Variants in TNFSF4 observed in about 807,000 individuals in gnomAD.
The protein encoded by TNFSF4 is TNF superfamily member 4.
In TNFSF4, 4 loss-of-function variants were observed where a neutral mutation model predicts 7.3. The ratio of observed to expected loss-of-function variants is 0.55; its 90% CI spans 0.27 to 1.25. The LOEUF is 1.25. Ranked by LOEUF, TNFSF4 falls within the 50% of genes most tolerant of loss-of-function variation. The pLI is 0.12. For missense variants in TNFSF4, 181 were observed against 208.8 expected (o/e 0.87, Z 0.82); for synonymous variants, 76 against 83.7 (o/e 0.91, Z 0.50).
At chr1:173,248,930 T>C in the TNFSF4 span, among the ~76,000 whole-genome samples, 18 of 152,218 alleles carry the variant, frequency 1.2e-4, no homozygotes, top group Admixed American at 1.2e-3. Flanking sequence ...ATTAATGGGA[T>C]TTTAAGTAAG....
the TNFSF4 span, among the ~76,000 whole-genome samples, chr1:173,267,598 T>C: frequency 5.9e-5 from 9 of 152,150 alleles, no homozygotes; most frequent in African/African-American, 1.9e-4. Context: ...AAGAATTTAT[T>C]AGTTCGTGGT....
the TNFSF4 span, among the ~76,000 whole-genome samples, chr1:173,383,129 G>T: frequency 1.3e-5 from 2 of 152,090 alleles, no homozygotes; most frequent in East Asian, 1.9e-4. Context: ...ATCAGGAGTG[G>T]GGGGATCTAA....
chr1:173,245,141 T>C, the TNFSF4 span, among the ~76,000 whole-genome samples: 1 of 152,108 alleles, frequency 6.6e-6, no homozygotes, highest in Non-Finnish European at 1.5e-5. Context: ...TTCCTTTTAG[T>C]TGTTTTCTCT....
At position 173,184,339 on chromosome 1, in the gene TNFSF4, C is replaced by G. The variant is rs780642845; in HGVS notation, c.*2177G>C. The stretch of plus-strand genomic sequence containing the variant: ...TTCTCCCTGTGAAGGACATGACTTA[C>G]AGGGACTGAGACACACACACATATT... On this transcript the variant is annotated 3_prime_UTR_variant, in exon 3 of 3. Transcript: ENST00000281834. 2.6e-5 allele frequency: 4 copies of G among 152,172 alleles called. No homozygotes were observed. The highest frequency in any genetic ancestry group is 4.4e-5 in the Non-Finnish European group (3 of 68,042). The allele number at this position is 152,172 out of a possible 1,614,324, so 9.4% of individuals were successfully genotyped here. A position where few individuals can be genotyped will look rare whatever the true frequency, so the allele number is the denominator to read the frequency against.
chr1:173,403,026 A>AT, the TNFSF4 span, among the ~76,000 whole-genome samples: 1 of 151,812 alleles, frequency 6.6e-6, no homozygotes, highest in African/African-American at 2.4e-5. Context: ...CTAATTTTTT[A>AT]TTTTTTGTAG....
chr1:173,301,174 G>A, the TNFSF4 span, among the ~76,000 whole-genome samples: 2 of 151,896 alleles, frequency 1.3e-5, no homozygotes, highest in African/African-American at 4.8e-5. Flanking sequence ...AGCAAATGAA[G>A]AAGCTATTAT....
At chr1:173,241,650 A>G in the TNFSF4 span, among the ~76,000 whole-genome samples, 629 of 152,350 alleles carry the variant, frequency 4.1e-3, 19 homozygotes, top group East Asian at 0.074. Context: ...TATTAGTCAC[A>G]TATACTTACA....
the TNFSF4 span, among the ~76,000 whole-genome samples, chr1:173,297,298 GAA>G: frequency 6.6e-6 from 1 of 151,774 alleles, no homozygotes; most frequent in Non-Finnish European, 1.5e-5. Flanking sequence ...CAAGAAGGGA[GAA>G]GTTATCTGGC....
the TNFSF4 span, among the ~76,000 whole-genome samples, chr1:173,403,910 A>T: frequency 6.6e-6 from 1 of 152,198 alleles, no homozygotes; most frequent in Non-Finnish European, 1.5e-5. Flanking sequence ...TCAAAAAAAA[A>T]AAAAAGAGAG....
At chr1:173,342,701 G>T in the TNFSF4 span, among the ~76,000 whole-genome samples, 1 of 152,116 alleles carries the variant, frequency 6.6e-6, no homozygotes, top group African/African-American at 2.4e-5. Context: ...GGAAGCTGAA[G>T]CCATTAACCA....
chr1:173,299,986 T>A, the TNFSF4 span, among the ~76,000 whole-genome samples: 1 of 151,838 alleles, frequency 6.6e-6, no homozygotes, highest in Non-Finnish European at 1.5e-5. Flanking sequence ...GGCTAATTTC[T>A]CTCAATCTCT....
chr1:173,419,343 G>GAAA, the TNFSF4 span, among the ~76,000 whole-genome samples: 1 of 115,814 alleles, frequency 8.6e-6, no homozygotes, highest in Non-Finnish European at 1.8e-5. Context: ...CTCCGTCTCA[G>GAAA]AAAAAAAAAA....
At chr1:173,241,126 GA>G in the TNFSF4 span, among the ~76,000 whole-genome samples, 2 of 152,060 alleles carry the variant, frequency 1.3e-5, no homozygotes, top group Non-Finnish European at 2.9e-5. Context: ...CAAAAGTCAA[GA>G]AAAAACTTTG....
the TNFSF4 span, among the ~76,000 whole-genome samples, chr1:173,341,853 C>T: frequency 6.6e-6 from 1 of 152,046 alleles, no homozygotes; most frequent in Non-Finnish European, 1.5e-5. Context: ...CATTTCCTAC[C>T]CTAAAATTCC....
the TNFSF4 span, among the ~76,000 whole-genome samples, chr1:173,353,464 C>T: frequency 1.6e-3 from 245 of 152,254 alleles, 1 homozygote; most frequent in Non-Finnish European, 2.5e-3. Flanking sequence ...CTCCTGTGTG[C>T]GTGTGCATGT....
upstream of TNFSF4, among the ~76,000 whole-genome samples, chr1:173,210,065 T>C (rs1571208729): frequency 6.6e-6 from 1 of 152,058 alleles, no homozygotes; most frequent in Admixed American, 6.5e-5. Flanking sequence ...GAGGGTTTTG[T>C]TGTTGTTTGG....
At chr1:173,251,157 A>G in the TNFSF4 span, among the ~76,000 whole-genome samples, 3 of 152,228 alleles carry the variant, frequency 2.0e-5, no homozygotes, top group Non-Finnish European at 4.4e-5. Context: ...CATAGATACT[A>G]TAAAGCCGCC....
the TNFSF4 span, among the ~76,000 whole-genome samples, chr1:173,426,386 T>G: frequency 3.5e-4 from 54 of 152,276 alleles, no homozygotes; most frequent in African/African-American, 1.3e-3. Context: ...CATGGCTGCT[T>G]CTTTAGTTCA....
chr1:173,250,169 A>G, the TNFSF4 span, among the ~76,000 whole-genome samples: 2 of 152,186 alleles, frequency 1.3e-5, no homozygotes, highest in Non-Finnish European at 2.9e-5. Context: ...TAGTGACTAA[A>G]TTGAGATCTT....
Sources: allele counts gnomAD v4.1 joint callset (sites outside exome capture counted in the v4.1 genomes callset), GRCh38; gene constraint gnomAD v4.1.1; transcripts MANE v1.5; gene names NCBI Gene and HGNC (gene_info 2026-07-23, HGNC 2026-07-21).